Variants in LRRC7 observed in about 807,000 individuals in gnomAD.
LRRC7 encodes leucine-rich repeat-containing protein 7.
Under a neutral mutation model 175.7 loss-of-function variants are expected in LRRC7, and 23 were observed. The observed-to-expected ratio is 0.13, with a 90% CI of 0.09 to 0.19. The LOEUF (loss-of-function observed/expected upper bound fraction) is 0.19. LRRC7 is among the 10% of genes least tolerant of loss of function. The pLI is 1.00. For missense variants in LRRC7, 1,354 were observed against 1,904.7 expected (o/e 0.71, Z 5.38); for synonymous variants, 685 against 680.9 (o/e 1.01, Z -0.09).
intron 1 of LRRC7, among the ~76,000 whole-genome samples, chr1:69,652,719 CA>C (rs951413165): frequency 2.0e-5 from 3 of 151,744 alleles, no homozygotes; most frequent in African/African-American, 7.3e-5. Flanking sequence ...TAATAATAAC[CA>C]AAATAGAGGC....
At chr1:70,036,358 T>C in intron 19 of LRRC7, 86 bp from the exon 20 acceptor site, 1 of 1,432,738 alleles carries the variant, frequency 7.0e-7, no homozygotes, top group Non-Finnish European at 9.6e-7. Context: ...CTAACCTTAA[T>C]CGGTATGGTT....
intron 7 of LRRC7, among the ~76,000 whole-genome samples, chr1:69,897,974 G>A (rs547756671): frequency 5.1e-4 from 77 of 152,214 alleles, no homozygotes; most frequent in Admixed American, 2.7e-3. Flanking sequence ...AGATTATAGC[G>A]GGCACAATGG....
chr1:69,865,523 CTGGA>C (rs1204309805), intron 7 of LRRC7, among the ~76,000 whole-genome samples: 2 of 124,296 alleles, frequency 1.6e-5, no homozygotes, highest in East Asian at 2.3e-4. Context: ...GTGCCCCAGG[CTGGA>C]TGGAGTGCAG....
chr1:70,102,752 T>G (rs575546338), intron 25 of LRRC7, among the ~76,000 whole-genome samples: 1 of 152,310 alleles, frequency 6.6e-6, no homozygotes, highest in South Asian at 2.1e-4. Context: ...CTCAGTCACT[T>G]CATCTAACAA....
At chr1:69,649,925 C>T (rs982564265) in intron 1 of LRRC7, among the ~76,000 whole-genome samples, 4 of 151,670 alleles carry the variant, frequency 2.6e-5, no homozygotes, top group South Asian at 2.1e-4. Flanking sequence ...GGATTAGGCT[C>T]ACTCCTCAAG....
At chr1:69,893,866 T>C (rs531532051) in intron 7 of LRRC7, among the ~76,000 whole-genome samples, 40 of 152,164 alleles carry the variant, frequency 2.6e-4, no homozygotes, top group Non-Finnish European at 4.6e-4. Context: ...GAGGAAGAGA[T>C]ATTCTAGGCC....
intron 2 of LRRC7, among the ~76,000 whole-genome samples, chr1:69,712,726 TA>T (rs1472148208): frequency 6.6e-6 from 1 of 152,220 alleles, no homozygotes; most frequent in East Asian, 1.9e-4. Flanking sequence ...CACTAGTGAC[TA>T]AGTGCATTTG....
chr1:69,857,533 C>CGGTGAAA (rs1557818033), intron 7 of LRRC7, among the ~76,000 whole-genome samples: 2 of 151,152 alleles, frequency 1.3e-5, no homozygotes, highest in African/African-American at 4.9e-5. Flanking sequence ...GAATAAAATA[C>CGGTGAAA]CTAGGAATCC....
chr1:70,056,595 A>G (rs1194914711), intron 23 of LRRC7, among the ~76,000 whole-genome samples: 1 of 152,132 alleles, frequency 6.6e-6, no homozygotes, highest in Non-Finnish European at 1.5e-5. Context: ...CCTCTTTCAA[A>G]TCCAGCAAGA....
At chr1:69,755,082 G>A (rs151210032) in intron 2 of LRRC7, among the ~76,000 whole-genome samples, 45 of 152,050 alleles carry the variant, frequency 3.0e-4, no homozygotes, top group African/African-American at 8.7e-4. Flanking sequence ...TGTCAGGGAC[G>A]CCAAAGGAAG....
chr1:69,689,223 A>G (rs1232404528), intron 2 of LRRC7, among the ~76,000 whole-genome samples: 1 of 152,036 alleles, frequency 6.6e-6, no homozygotes, highest in Non-Finnish European at 1.5e-5. Context: ...CTTCCTTTCA[A>G]CCTTAAACGA....
intron 8 of LRRC7, among the ~76,000 whole-genome samples, chr1:69,963,130 C>T (rs1269832928): frequency 2.6e-5 from 4 of 151,724 alleles, no homozygotes; most frequent in East Asian, 3.9e-4. Context: ...CTGGTGAAAG[C>T]CTGTCTCTAC....
At chr1:70,083,287 A>G (rs965902473) in intron 24 of LRRC7, among the ~76,000 whole-genome samples, 2 of 152,176 alleles carry the variant, frequency 1.3e-5, no homozygotes, top group African/African-American at 4.8e-5. Context: ...ATTTTGGAAA[A>G]TGCAGAGAAA....
chr1:70,075,949 C>A, intron 23 of LRRC7, 128 bp from the exon 24 acceptor site: 1 of 880,036 alleles, frequency 1.1e-6, no homozygotes, highest in East Asian at 2.6e-5. Flanking sequence ...CTTCATTATC[C>A]TTTCTGGCCA....
intron 4 of LRRC7, among the ~76,000 whole-genome samples, chr1:69,823,886 G>T (rs1679594422): frequency 6.6e-6 from 1 of 152,112 alleles, no homozygotes; most frequent in South Asian, 2.1e-4. Context: ...CTAAGGCATT[G>T]GGAGTTTAAA....
intron 26 of LRRC7, among the ~76,000 whole-genome samples, chr1:70,112,555 A>G (rs1665593566): frequency 6.6e-6 from 1 of 152,198 alleles, no homozygotes; most frequent in South Asian, 2.1e-4. Flanking sequence ...TGTTAAGGGA[A>G]TGGAGTGATT....
intron 8 of LRRC7, among the ~76,000 whole-genome samples, chr1:69,979,591 T>A (rs1387938960): frequency 6.6e-6 from 1 of 152,122 alleles, no homozygotes; most frequent in Non-Finnish European, 1.5e-5. Flanking sequence ...TAGATCTAGA[T>A]CATCAGCTAT....
chr1:69,585,033 T>G (rs771262013), intron 1 of LRRC7, among the ~76,000 whole-genome samples: 7 of 152,194 alleles, frequency 4.6e-5, no homozygotes, highest in Non-Finnish European at 1.5e-5. Context: ...TTATACAAAA[T>G]GTTCCATCCA....
At chr1:69,711,687 A>G (rs1033492019) in intron 2 of LRRC7, among the ~76,000 whole-genome samples, 7 of 152,214 alleles carry the variant, frequency 4.6e-5, no homozygotes, top group African/African-American at 1.7e-4. Flanking sequence ...CCGTGTCGTC[A>G]TGGCTCAAGT....
Sources: gnomAD v4.1 joint callset for allele counts (sites outside exome capture counted in the v4.1 genomes callset) on GRCh38, gnomAD v4.1.1 for gene constraint, MANE v1.5 for transcripts, NCBI Gene and HGNC (gene_info 2026-07-23, HGNC 2026-07-21) for gene names.